Variants in CNTN6 observed in about 807,000 individuals in gnomAD.
CNTN6 encodes the protein contactin-6.
Under a neutral mutation model 122.8 loss-of-function variants are expected in CNTN6, and 137 were observed. That is an observed-to-expected ratio of 1.12 (90% CI 0.97 to 1.29). The LOEUF (loss-of-function observed/expected upper bound fraction) is 1.29. Among genes scored for constraint, CNTN6 ranks in the 50% most tolerant of loss-of-function variants. The pLI, the probability that CNTN6 is intolerant of heterozygous loss-of-function variation, is 0.00. For synonymous variants in CNTN6, 570 were observed against 426.0 expected, an observed-to-expected ratio of 1.34 and a Z score of -4.16; for missense variants, 1,634 against 1,223.4, an observed-to-expected ratio of 1.34 and a Z score of -5.01.
At chr3:1,289,823 CAA>C (rs1467636866) in intron 5 of CNTN6, among the ~76,000 whole-genome samples, 6 of 151,936 alleles carry the variant, frequency 3.9e-5, no homozygotes, top group Non-Finnish European at 8.8e-5. Flanking sequence ...TACAGGTGCC[CAA>C]CACCACGCCC....
At chr3:1,312,204 AT>A (rs1699440479) in intron 7 of CNTN6, among the ~76,000 whole-genome samples, 1 of 151,994 alleles carries the variant, frequency 6.6e-6, no homozygotes. Context: ...AATGTCAAAC[AT>A]TCCTTTCCAT....
At chr3:1,249,097 T>C (rs1198986911) in intron 4 of CNTN6, among the ~76,000 whole-genome samples, 6 of 152,116 alleles carry the variant, frequency 3.9e-5, no homozygotes, top group African/African-American at 1.4e-4. Context: ...TATCAGACGG[T>C]GGGTAGCAAA....
chr3:1,201,479 T>TATC (rs10700911), intron 2 of CNTN6, among the ~76,000 whole-genome samples: 81,585 of 151,328 alleles, frequency 0.54, 23,110 homozygotes, highest in East Asian at 0.82. Context: ...TTGTCAAAAA[T>TATC]ATCATCACTC....
intron 11 of CNTN6, among the ~76,000 whole-genome samples, chr3:1,342,360 C>T (rs748344919): frequency 6.6e-5 from 10 of 152,114 alleles, no homozygotes; most frequent in Non-Finnish European, 1.2e-4. Context: ...GAACTCCTGA[C>T]CTAGTTATCT....
intron 1 of CNTN6, among the ~76,000 whole-genome samples, chr3:1,101,806 G>C (rs555504759): frequency 3.9e-5 from 6 of 152,284 alleles, no homozygotes; most frequent in Admixed American, 3.9e-4. Context: ...GCCAGTGGAT[G>C]TTATTAGTTT....
At position 1,403,390 on chromosome 3, in the gene CNTN6, A is replaced by C; in HGVS notation, c.3059A>C (p.His1020Pro). The change falls in exon 23 of 23, where the codon CAC becomes CCC. Residue 1020 changes from histidine (H) to proline (P), a missense_variant. Transcript: ENST00000446702. ...CTTTCCATTGTCATTGTGATTTTTC[A>C]CTGTTTTGCTATTCAGCCACTTATC... The part of the protein sequence containing the change: ...HFLSIVIVIF[H>P]CFAIQPLI The C allele has an allele frequency of 6.2e-7, 1 of 1,610,630 alleles. No individual in the cohort carries two copies. The highest frequency in any genetic ancestry group is 1.3e-5 in the African/African-American group (1 of 74,916).
chr3:1,262,130 T>C (rs959412937), intron 4 of CNTN6, among the ~76,000 whole-genome samples: 1 of 152,172 alleles, frequency 6.6e-6, no homozygotes, highest in Non-Finnish European at 1.5e-5. Flanking sequence ...AGTTGCCAAA[T>C]GGGCAACCTC....
chr3:1,363,089 A>T (rs533411217), intron 12 of CNTN6, among the ~76,000 whole-genome samples: 2 of 150,386 alleles, frequency 1.3e-5, no homozygotes, highest in Non-Finnish European at 3.0e-5. Flanking sequence ...GAGAATCCCC[A>T]TCACTTAAAA....
chr3:1,215,893 C>T (rs1470515712), intron 2 of CNTN6, among the ~76,000 whole-genome samples: 2 of 152,098 alleles, frequency 1.3e-5, no homozygotes, highest in Non-Finnish European at 2.9e-5. Flanking sequence ...CGAGTACCCA[C>T]ATTTTGTAGC....
intron 1 of CNTN6, among the ~76,000 whole-genome samples, chr3:1,146,905 T>G (rs1465005065): frequency 6.6e-6 from 1 of 152,152 alleles, no homozygotes; most frequent in Non-Finnish European, 1.5e-5. Context: ...AATACCTATG[T>G]TGACCCCTGA....
intron 12 of CNTN6, among the ~76,000 whole-genome samples, chr3:1,360,028 A>G (rs1011996327): frequency 2.0e-5 from 3 of 152,076 alleles, no homozygotes; most frequent in African/African-American, 7.2e-5. Flanking sequence ...GTTTCTTAAC[A>G]TACTCCTTCA....
At chr3:1,161,732 C>T (rs919770622) in intron 2 of CNTN6, among the ~76,000 whole-genome samples, 1 of 150,064 alleles carries the variant, frequency 6.7e-6, no homozygotes, top group Non-Finnish European at 1.5e-5. Context: ...GTACCAAGAC[C>T]CCATGGTGCC....
rs1694291824 is a variant in CNTN6, at chr3:1,392,374, T to A, written c.2704+6577T>A. On this transcript the variant is annotated intron_variant, in intron 20 of 22. Transcript: ENST00000446702. ...CCATATGTAGAAAGCTGAAACTGGA[T>A]CCCTTCCTTACACCTTATACAAAAA... 2.6e-5 allele frequency among the ~76,000 whole-genome samples: 4 copies of A among 152,272 alleles called. No homozygotes were observed. The South Asian group carries it at 8.3e-4, about 32-fold the overall frequency.
chr3:1,164,519 C>T (rs545802167), intron 2 of CNTN6, among the ~76,000 whole-genome samples: 1 of 152,338 alleles, frequency 6.6e-6, no homozygotes, highest in Non-Finnish European at 1.5e-5. Flanking sequence ...TCAAATTTGT[C>T]ATACATGACA....
At chr3:1,124,927 G>A (rs1205387872) in intron 1 of CNTN6, among the ~76,000 whole-genome samples, 1 of 151,840 alleles carries the variant, frequency 6.6e-6, no homozygotes, top group Non-Finnish European at 1.5e-5. Context: ...TGGGAGGGTC[G>A]TATTATTGCT....
At chr3:1,269,403 AGTTGC>A (rs1230777841) in intron 4 of CNTN6, among the ~76,000 whole-genome samples, 3 of 152,218 alleles carry the variant, frequency 2.0e-5, no homozygotes, top group African/African-American at 7.2e-5. Flanking sequence ...ACCAAAGGCC[AGTTGC>A]CTTTTACTAG....
rs574900192 is a variant in CNTN6 at position 1,319,490 on chromosome 3, T to C, written c.762-2160T>C. Among the ~76,000 whole-genome samples the C allele has an allele frequency of 7.2e-5, 11 of 151,772 alleles. No homozygotes were observed. In the East Asian group the frequency reaches 7.8e-4, roughly 11 times the overall value. ...TGTAATATTATTACAATTATCATAA[T>C]TGTCAAAATGTTCAGTTACTTAGGT... is the stretch of plus-strand genomic sequence containing the variant. On this transcript the variant is annotated intron_variant, in intron 7 of 22. Transcript: ENST00000446702.
chr3:1,177,239 T>C (rs1385180828), intron 2 of CNTN6, among the ~76,000 whole-genome samples: 1 of 152,206 alleles, frequency 6.6e-6, no homozygotes, highest in Non-Finnish European at 1.5e-5. Flanking sequence ...AAAACTCAGA[T>C]ATAAAAAATT....
chr3:1,215,562 A>G (rs916853170), intron 2 of CNTN6, among the ~76,000 whole-genome samples: 3 of 151,964 alleles, frequency 2.0e-5, no homozygotes, highest in Admixed American at 2.0e-4. Context: ...TGACATTGTT[A>G]TATTATTTTT....
Sources: allele counts gnomAD v4.1 joint callset (sites outside exome capture counted in the v4.1 genomes callset), GRCh38; gene constraint gnomAD v4.1.1; transcripts MANE v1.5; gene names NCBI Gene and HGNC (gene_info 2026-07-23, HGNC 2026-07-21).